The following PLEKHM3 variants were observed in gnomAD, a reference collection of about 807,000 sequenced individuals.
The protein encoded by PLEKHM3 is pleckstrin homology domain-containing family M member 3.
Under a neutral mutation model 81.8 loss-of-function variants are expected in PLEKHM3, and 45 were observed. The ratio of observed to expected loss-of-function variants is 0.55; its 90% confidence interval spans 0.43 to 0.71. PLEKHM3 has a LOEUF of 0.71. PLEKHM3 is among the 30% of genes least tolerant of loss of function. The pLI is 0.00. For synonymous variants in PLEKHM3, 352 were observed against 356.4 expected, an observed-to-expected ratio of 0.99 and a Z score of 0.14; for missense variants, 788 against 924.3, an observed-to-expected ratio of 0.85 and a Z score of 1.91.
rs2092247563 is a variant in PLEKHM3, at chr2:207,825,823, CTTTTGA to C, written c.*2490_*2495del. ...GATAACACATCGATTTTTTGTTTCC[CTTTTGA>C]AAATAAGCAGAAAATGATGTGGGTG... On this transcript the variant is annotated 3_prime_UTR_variant, in exon 8 of 8. Transcript: ENST00000427836. 1 of 152,168 alleles carries C rather than the reference CTTTTGA, an allele frequency of 6.6e-6. No homozygotes were observed. The highest frequency in any genetic ancestry group is 2.4e-5 in the African/African-American group (1 of 41,430). The allele number at this position is 152,168 out of a possible 1,614,324, so 9.4% of individuals were successfully genotyped here.
chr2:207,905,745 T>C (rs1480533401), intron 6 of PLEKHM3, among the ~76,000 whole-genome samples: 1 of 152,212 alleles, frequency 6.6e-6, no homozygotes, highest in Non-Finnish European at 1.5e-5. Context: ...GTTAAGTGAA[T>C]GGATGCATTG....
chr2:207,841,479 A>AC (rs1289210853), intron 7 of PLEKHM3, among the ~76,000 whole-genome samples: 1 of 39,060 alleles, frequency 2.6e-5, no homozygotes, highest in Non-Finnish European at 4.6e-5. Context: ...AAAAAAAAAA[A>AC]AATATATATA....
intron 7 of PLEKHM3, among the ~76,000 whole-genome samples, chr2:207,842,641 C>T (rs534179556): frequency 2.0e-5 from 3 of 152,288 alleles, no homozygotes; most frequent in African/African-American, 7.2e-5. Flanking sequence ...CAGTCCCTTT[C>T]ATTCAGTGAG....
intron 7 of PLEKHM3, among the ~76,000 whole-genome samples, chr2:207,849,272 T>C (rs1472864483): frequency 6.6e-6 from 1 of 151,904 alleles, no homozygotes; most frequent in African/African-American, 2.4e-5. Flanking sequence ...AGGTGGAGGT[T>C]GCAGTGAGCC....
intron 2 of PLEKHM3, among the ~76,000 whole-genome samples, chr2:207,981,434 C>A (rs1691519725): frequency 6.6e-6 from 1 of 152,138 alleles, no homozygotes; most frequent in Non-Finnish European, 1.5e-5. Context: ...GCCTTGAACT[C>A]CTAGAGGTTC....
At chr2:207,876,263 T>C (rs1471122533) in intron 6 of PLEKHM3, among the ~76,000 whole-genome samples, 1 of 152,154 alleles carries the variant, frequency 6.6e-6, no homozygotes, top group Non-Finnish European at 1.5e-5. Context: ...TTGTCACTTT[T>C]ATAACAAATA....
chr2:208,020,214 T>G (rs1029320700), intron 1 of PLEKHM3, among the ~76,000 whole-genome samples: 1 of 152,250 alleles, frequency 6.6e-6, no homozygotes, highest in African/African-American at 2.4e-5. Context: ...AATTATAAAC[T>G]GGTTACACTA....
chr2:207,907,531 T>C (rs1450661456), intron 6 of PLEKHM3, among the ~76,000 whole-genome samples: 1 of 152,006 alleles, frequency 6.6e-6, no homozygotes, highest in African/African-American at 2.4e-5. Flanking sequence ...AAAGTACATG[T>C]TCTAATAAAA....
intron 3 of PLEKHM3, among the ~76,000 whole-genome samples, chr2:207,968,110 G>T (rs1690980984): frequency 6.6e-6 from 1 of 151,678 alleles, no homozygotes; most frequent in African/African-American, 2.4e-5. Flanking sequence ...ATTGTTTTGA[G>T]GGCTTTGCCA....
Position 207,930,983 on chromosome 2 carries a change from G to A in PLEKHM3, c.1829C>T (p.Ser610Leu). 3 of 1,613,740 alleles carry A rather than the reference G, an allele frequency of 1.9e-6. No individual in the cohort carries two copies. The highest frequency in any genetic ancestry group is 2.5e-6 in the Non-Finnish European group (3 of 1,179,688). The change falls in exon 5 of 8, where the codon TCG becomes TTG. Residue 610 changes from serine (S) to leucine (L), a missense_variant. Coordinates refer to ENST00000427836, the MANE Select transcript of PLEKHM3 (RefSeq NM_001080475.3). Reference protein sequence around the residue: ...AVLRLRQRLKSLRAYLFSCRA... With the variant: ...AVLRLRQRLKLLRAYLFSCRA... ...GCAGCTGAACAAATAGGCTCGGAGC[G>A]ACTTCAGCCGCTGCCGCAGCCGCAG...
intron 3 of PLEKHM3, among the ~76,000 whole-genome samples, chr2:207,967,624 T>C (rs971494068): frequency 4.6e-5 from 7 of 152,224 alleles, no homozygotes; most frequent in Non-Finnish European, 1.5e-5. Context: ...CAAATACCAT[T>C]AGGTTGGTGC....
chr2:207,931,014 C>T lies in PLEKHM3; in HGVS notation c.1798G>A (p.Ala600Thr), dbSNP rs1229294536. Residue 600 changes from alanine (A) to threonine (T), a missense_variant, in exon 5 of 8, where the codon GCC (alanine) becomes ACC (threonine). Coordinates refer to ENST00000427836, the MANE Select transcript of PLEKHM3 (RefSeq NM_001080475.3). ...AGCCGCTGCCGCAGCCGCAGCACGG[C>T]GGCCAGCGGCTCTGCGTGGTGGTAC... ...MLYHHAEPLAAVLRLRQRLKS... is the reference protein window; with the variant it reads ...MLYHHAEPLATVLRLRQRLKS... 1 of 1,613,868 alleles carries T rather than the reference C, an allele frequency of 6.2e-7. No homozygotes were observed.
At chr2:207,886,017 T>C (rs1321382464) in intron 6 of PLEKHM3, among the ~76,000 whole-genome samples, 1 of 152,138 alleles carries the variant, frequency 6.6e-6, no homozygotes, top group Non-Finnish European at 1.5e-5. Context: ...TTTTGTCTTC[T>C]AGATCAGTAT....
At chr2:207,982,434 T>G (rs1691562816) in intron 2 of PLEKHM3, among the ~76,000 whole-genome samples, 1 of 152,086 alleles carries the variant, frequency 6.6e-6, no homozygotes, top group Non-Finnish European at 1.5e-5. Context: ...CACACCTGGT[T>G]CATTTTTTAA....
chr2:208,024,225 C>T lies in PLEKHM3; in HGVS notation c.-319+1164G>A, dbSNP rs575199667. 9.3e-5 allele frequency among the ~76,000 whole-genome samples: 14 copies of T among 151,248 alleles called. No individual in the cohort carries two copies. In the South Asian group the frequency reaches 2.3e-3, roughly 25 times the overall value. On this transcript the variant is annotated intron_variant, in intron 1 of 7. Coordinates refer to ENST00000427836, the MANE Select transcript of PLEKHM3 (RefSeq NM_001080475.3). Reference sequence around the variant, plus strand: ...TAATGAGGTCAATACTATTATTATTCCCATTCTACAGATTAGGAAACAGAA... The same window carrying T: ...TAATGAGGTCAATACTATTATTATTTCCATTCTACAGATTAGGAAACAGAA...
chr2:208,001,051 CTA>C lies in PLEKHM3; in HGVS notation c.587_588del (p.Ile196ArgfsTer8), dbSNP rs1156582699. 4.5e-6 allele frequency: 7 copies of C among 1,548,526 alleles called. No individual in the cohort carries two copies. Among genetic ancestry groups the C allele is most frequent in the Non-Finnish European group, 6.1e-6 (7 of 1,146,240 alleles). On this transcript the variant is annotated frameshift_variant, in exon 2 of 8. Coordinates refer to ENST00000427836, the MANE Select transcript of PLEKHM3 (RefSeq NM_001080475.3). LOFTEE classifies it high-confidence loss of function. ...PSFLLPSPNK[I>X]EDAQGNTEHK... ...ATACCAGTATTTCCTTGAGCATCTT[CTA>C]TCTTATTTGGTGAGGGCAACAGAAA...
At chr2:207,876,410 CTG>C (rs973229477) in intron 6 of PLEKHM3, among the ~76,000 whole-genome samples, 8 of 152,014 alleles carry the variant, frequency 5.3e-5, no homozygotes, top group South Asian at 2.1e-4. Flanking sequence ...TTTAGATGAC[CTG>C]TGTTTTCACT....
chr2:207,962,403 G>A (rs956476034), intron 3 of PLEKHM3, among the ~76,000 whole-genome samples: 1 of 152,214 alleles, frequency 6.6e-6, no homozygotes, highest in Admixed American at 6.5e-5. Flanking sequence ...CAGAAGTGCT[G>A]CATTTATGGC....
chr2:207,851,758 A>G (rs1416935538), intron 7 of PLEKHM3: 1 of 151,304 alleles, frequency 6.6e-6, no homozygotes, highest in Non-Finnish European at 1.5e-5. Flanking sequence ...AAAAAAAAAA[A>G]AAAAAAGGTG....
Sources: allele counts gnomAD v4.1 joint callset (sites outside exome capture counted in the v4.1 genomes callset), GRCh38; gene constraint gnomAD v4.1.1; transcripts MANE v1.5; gene names NCBI Gene and HGNC (gene_info 2026-07-23, HGNC 2026-07-21).